PAAF1: variants seen among roughly 807,000 people sequenced by gnomAD.
PAAF1 encodes the protein proteasomal ATPase associated factor 1, also known as proteasomal ATPase-associated factor 1.
PAAF1 carries 46 observed loss-of-function variants against 52.8 expected under a neutral mutation model. That is an observed-to-expected ratio of 0.87 (90% CI 0.69 to 1.11). The LOEUF (loss-of-function observed/expected upper bound fraction) is 1.11. PAAF1 is among the 50% of genes most tolerant of loss of function. PAAF1 has a pLI of 0.00. For synonymous variants in PAAF1, 178 were observed against 172.8 expected, an observed-to-expected ratio of 1.03 and a Z score of -0.24; for missense variants, 424 against 477.4, an observed-to-expected ratio of 0.89 and a Z score of 1.04.
At chr11:73,897,145 C>T (rs1156807150) in intron 4 of PAAF1, among the ~76,000 whole-genome samples, 2 of 135,484 alleles carry the variant, frequency 1.5e-5, no homozygotes, top group Admixed American at 1.4e-4. Context: ...GCAGAGGCGC[C>T]CCTCACCTCC....
At chr11:73,898,120 T>C (rs1949473438) in intron 4 of PAAF1, among the ~76,000 whole-genome samples, 1 of 148,374 alleles carries the variant, frequency 6.7e-6, no homozygotes, top group Non-Finnish European at 1.5e-5. Context: ...TGCAGTGAGC[T>C]GAGATGGCAG....
intron 4 of PAAF1, among the ~76,000 whole-genome samples, chr11:73,893,597 C>A (rs1949257887): frequency 6.6e-6 from 1 of 150,948 alleles, no homozygotes; most frequent in Non-Finnish European, 1.5e-5. Flanking sequence ...ATTAGCCAGG[C>A]GTGGTGGCGT....
intron 6 of PAAF1, among the ~76,000 whole-genome samples, chr11:73,908,471 C>T (rs1949838929): frequency 6.6e-6 from 1 of 150,938 alleles, no homozygotes; most frequent in African/African-American, 2.4e-5. Context: ...GTGGAGCAAT[C>T]ATGGCTTACT....
At chr11:73,901,575 G>A (rs886790616) in intron 6 of PAAF1, among the ~76,000 whole-genome samples, 2 of 151,350 alleles carry the variant, frequency 1.3e-5, no homozygotes, top group African/African-American at 2.4e-5. Context: ...TCAGTACATT[G>A]TAACTTGTGT....
chr11:73,912,668 C>T (rs951911241), intron 7 of PAAF1, among the ~76,000 whole-genome samples: 1 of 152,142 alleles, frequency 6.6e-6, no homozygotes, highest in Non-Finnish European at 1.5e-5. Flanking sequence ...TGTCACATTC[C>T]TGCTTAAAAC....
In PAAF1 at chr11:73,891,170, ATAC is replaced by A; in HGVS notation, c.256_258del (p.Thr86del). The A allele has an allele frequency of 6.3e-7, 1 of 1,594,138 alleles. No homozygotes were observed. Among genetic ancestry groups the A allele is most frequent in the East Asian group, 2.2e-5 (1 of 44,698 alleles). ...GCATCTTCTAAGTTTTTGGCACCATATACTACTTTTTCCAGAATTCATACAAAG... is the reference window on the plus strand; with the variant it reads ...GCATCTTCTAAGTTTTTGGCACCATATACTTTTTCCAGAATTCATACAAAG... On this transcript the variant is annotated inframe_deletion, in exon 4 of 12. Coordinates refer to ENST00000310571, the MANE Select transcript of PAAF1 (RefSeq NM_025155.3).
intron 4 of PAAF1, among the ~76,000 whole-genome samples, chr11:73,893,757 A>G (rs923007669): frequency 4.6e-5 from 7 of 150,814 alleles, no homozygotes; most frequent in African/African-American, 1.5e-4. Flanking sequence ...AAAAAAAAAA[A>G]AAAAGAAAGA....
At chr11:73,877,354 C>T (rs1591027704) in intron 1 of PAAF1, 2 of 299,004 alleles carry the variant, frequency 6.7e-6, no homozygotes, top group East Asian at 5.5e-5. Flanking sequence ...AGGCTTTTGG[C>T]CAAGCAGTCA....
At chr11:73,894,399 G>T (rs982466699) in intron 4 of PAAF1, among the ~76,000 whole-genome samples, 15 of 152,064 alleles carry the variant, frequency 9.9e-5, no homozygotes, top group Non-Finnish European at 2.1e-4. Flanking sequence ...CATCACTTTG[G>T]GAGGCTGGGG....
At chr11:73,908,787 T>A (rs761571953) in intron 6 of PAAF1, among the ~76,000 whole-genome samples, 24 of 152,038 alleles carry the variant, frequency 1.6e-4, no homozygotes, top group African/African-American at 3.1e-4. Context: ...AATTTTTATT[T>A]TTTATTTATT....
chr11:73,909,841 A>G (rs545253549), intron 7 of PAAF1, among the ~76,000 whole-genome samples: 1 of 152,346 alleles, frequency 6.6e-6, no homozygotes, highest in Non-Finnish European at 1.5e-5. Flanking sequence ...AAATGCCTAT[A>G]AAGCAGGGGT....
At chr11:73,881,639 ATGTTGT>A (rs34941273) in intron 2 of PAAF1, among the ~76,000 whole-genome samples, 1 of 151,876 alleles carries the variant, frequency 6.6e-6, no homozygotes, top group Non-Finnish European at 1.5e-5. Context: ...AACAAACTTA[ATGTTGT>A]TGTTGTTGTT....
intron 2 of PAAF1, among the ~76,000 whole-genome samples, chr11:73,881,260 T>G (rs536792355): frequency 1.3e-3 from 198 of 152,256 alleles, no homozygotes; most frequent in Admixed American, 6.3e-3. Flanking sequence ...TTCCCTAATA[T>G]TTTGCATTTT....
At chr11:73,882,697 G>C (rs1265476352) in intron 2 of PAAF1, among the ~76,000 whole-genome samples, 1 of 152,090 alleles carries the variant, frequency 6.6e-6, no homozygotes, top group African/African-American at 2.4e-5. Flanking sequence ...CCGCCTTCCA[G>C]GTTCATGCCA....
At chr11:73,890,420 T>C (rs1158710887) in intron 3 of PAAF1, among the ~76,000 whole-genome samples, 1 of 152,170 alleles carries the variant, frequency 6.6e-6, no homozygotes, top group African/African-American at 2.4e-5. Context: ...CCTACAGTAG[T>C]TGAAAGACAG....
chr11:73,887,883 G>A (rs2135139775), intron 3 of PAAF1, among the ~76,000 whole-genome samples: 1 of 152,180 alleles, frequency 6.6e-6, no homozygotes, highest in Non-Finnish European at 1.5e-5. Context: ...CTTAGCAGCT[G>A]GGATTATGGG....
At chr11:73,877,302 T>A in intron 1 of PAAF1, 1 of 372,134 alleles carries the variant, frequency 2.7e-6, no homozygotes, top group Non-Finnish European at 4.8e-6. Flanking sequence ...TCAGAACTAG[T>A]ATCAGTGAGT....
chr11:73,919,365 A>T (rs1219416297), intron 10 of PAAF1, among the ~76,000 whole-genome samples: 1 of 152,232 alleles, frequency 6.6e-6, no homozygotes, highest in Non-Finnish European at 1.5e-5. Flanking sequence ...GGACTACATC[A>T]GAAGACTGCA....
At chr11:73,882,311 CTTT>C (rs34242715) in intron 2 of PAAF1, among the ~76,000 whole-genome samples, 1 of 119,566 alleles carries the variant, frequency 8.4e-6, no homozygotes, top group African/African-American at 3.1e-5. Flanking sequence ...CGTGCCTGCA[CTTT>C]TTTTTTTTTT....
Sources: allele counts gnomAD v4.1 joint callset (sites outside exome capture counted in the v4.1 genomes callset), GRCh38; gene constraint gnomAD v4.1.1; transcripts MANE v1.5; gene names NCBI Gene and HGNC (gene_info 2026-07-23, HGNC 2026-07-21).